The following ZC2HC1B variants were observed in gnomAD, a reference collection of about 807,000 sequenced individuals.
The protein encoded by ZC2HC1B is zinc finger C2HC domain-containing protein 1B.
In ZC2HC1B, 36 loss-of-function variants were observed where a neutral mutation model predicts 31.0. The ratio of observed to expected loss-of-function variants is 1.16; its 90% CI spans 0.89 to 1.54. The LOEUF is 1.54. Ranked by LOEUF, ZC2HC1B falls within the 40% of genes most tolerant of loss-of-function variation. The pLI, the probability that ZC2HC1B is intolerant of heterozygous loss-of-function variation, is 0.00. For missense variants in ZC2HC1B, 260 were observed against 268.6 expected, an observed-to-expected ratio of 0.97 and a Z score of 0.22; for synonymous variants, 73 against 88.0, an observed-to-expected ratio of 0.83 and a Z score of 0.95.
At chr6:143,889,194 C>G (rs1777567703) in intron 4 of ZC2HC1B, among the ~76,000 whole-genome samples, 5 of 151,722 alleles carry the variant, frequency 3.3e-5, no homozygotes, top group Admixed American at 3.3e-4. Flanking sequence ...ATTGTAAACT[C>G]TAGAGTAACC....
Position 143,885,966 on chromosome 6 carries a change from T to C in ZC2HC1B, c.91-66T>C. On this transcript the variant is annotated intron_variant, in intron 2 of 7. Transcript: ENST00000237275. The surrounding 1 kb of genome is among the most constrained non-coding windows in gnomAD (Gnocchi z 4.2). ...GTCCCTGGAGTGGGGGCTGTCTAGG[T>C]ACACCTAGGCATTAAAAACTGATTG... is the stretch of plus-strand genomic sequence containing the variant. 6.9e-7 allele frequency: 1 copy of C among 1,439,220 alleles called. No individual in the cohort carries two copies. The highest frequency in any genetic ancestry group is 9.1e-7 in the Non-Finnish European group (1 of 1,095,916). The allele number at this position is 1,439,220 out of a possible 1,614,324, so 89.2% of individuals were successfully genotyped here. A position where few individuals can be genotyped will look rare whatever the true frequency, so the allele number is the denominator to read the frequency against.
In ZC2HC1B at chr6:143,933,437, C is replaced by T. The variant is rs972871571; in HGVS notation, c.599-4212C>T. Among the ~76,000 whole-genome samples, 11 of 151,928 alleles carry T rather than the reference C, an allele frequency of 7.2e-5. No individual in the cohort carries two copies. The highest frequency in any genetic ancestry group is 5.8e-4 in the East Asian group (3 of 5,170). On this transcript the variant is annotated intron_variant, in intron 6 of 7. Coordinates refer to ENST00000237275, the MANE Select transcript of ZC2HC1B (RefSeq NM_001013623.3). The surrounding 1 kb of genome is among the most constrained non-coding windows in gnomAD (Gnocchi z 6.4). ...TGTCTTTTGTGATTCACTATTGGAC[C>T]GGGTAGAGAAATACTATCAGGTGCA...
intron 1 of ZC2HC1B, among the ~76,000 whole-genome samples, chr6:143,878,927 C>CTGCATATTTTTTCCTTTCCAGAA (rs1777437429): frequency 6.6e-6 from 1 of 152,170 alleles, no homozygotes; most frequent in Non-Finnish European, 1.5e-5. Context: ...AATGCACAGA[C>CTGCATATTTTTTCCTTTCCAGAA]TGCATATTTT....
intron 6 of ZC2HC1B, among the ~76,000 whole-genome samples, chr6:143,935,990 A>C (rs148921551): frequency 6.6e-6 from 1 of 152,242 alleles, no homozygotes; most frequent in African/African-American, 2.4e-5. Flanking sequence ...CATATATTAT[A>C]AATCTAGTTG....
chr6:143,901,050 G>T (rs990415044), intron 5 of ZC2HC1B, among the ~76,000 whole-genome samples: 4 of 151,720 alleles, frequency 2.6e-5, no homozygotes, highest in Non-Finnish European at 4.4e-5. Flanking sequence ...TGTTGGCCAG[G>T]CTGGTCACAA....
Position 143,908,756 on chromosome 6 carries a change from A to T in ZC2HC1B, c.598+5604A>T, listed in dbSNP as rs1490551103. ...GTTTGACTTCCTCTCTTCCTGTTGG[A>T]ATCTTCTTTCTTTCTTTGTTTTGCC... On this transcript the variant is annotated intron_variant, in intron 6 of 7. Transcript: ENST00000237275. This position sits in a 1 kb window ranked among gnomAD's most constrained non-coding sequence, Gnocchi z 4.4. Among the ~76,000 whole-genome samples, 1 of 152,014 alleles carries T rather than the reference A, an allele frequency of 6.6e-6. No individual in the cohort carries two copies. Among genetic ancestry groups the T allele is most frequent in the Middle Eastern group, 3.2e-3 (1 of 316 alleles).
At position 143,884,236 on chromosome 6, in the gene ZC2HC1B, G is replaced by T. The variant is rs973194658; in HGVS notation, c.29-68G>T. ...TATCAAGCTATTGAGGTCACCTCCA[G>T]TCAGTCATTTCTTCTCAGCGAGGAA... On this transcript the variant is annotated intron_variant, in intron 1 of 7. Coordinates refer to ENST00000237275, the MANE Select transcript of ZC2HC1B (RefSeq NM_001013623.3). This position sits in a 1 kb window ranked among gnomAD's most constrained non-coding sequence, Gnocchi z 5.1. 7.0e-7 allele frequency: 1 copy of T among 1,421,664 alleles called. No homozygotes were observed. Among genetic ancestry groups the T allele is most frequent in the Non-Finnish European group, 9.6e-7 (1 of 1,044,522 alleles). 88.1% of individuals were successfully genotyped at this position (1,421,664 alleles called of 1,614,324 possible). A position where few individuals can be genotyped will look rare whatever the true frequency, so the allele number is the denominator to read the frequency against.
chr6:143,873,406 G>A (rs1758468482), intron 1 of ZC2HC1B, among the ~76,000 whole-genome samples: 2 of 152,166 alleles, frequency 1.3e-5, no homozygotes, highest in Admixed American at 1.3e-4. Context: ...GCTGTCAGTG[G>A]ATCTACCATT....
Position 143,923,667 on chromosome 6 carries a change from T to G in ZC2HC1B, c.599-13982T>G, listed in dbSNP as rs890395479. 6.6e-6 allele frequency among the ~76,000 whole-genome samples: 1 copy of G among 152,118 alleles called. No individual in the cohort carries two copies. The highest frequency in any genetic ancestry group is 2.4e-5 in the African/African-American group (1 of 41,440). ...GGATCTAGTTTCATTTTTCTGTACT[T>G]GGATATCCAGTTTTCCCTGTACCAT... On this transcript the variant is annotated intron_variant, in intron 6 of 7. Coordinates refer to ENST00000237275, the MANE Select transcript of ZC2HC1B (RefSeq NM_001013623.3). This position sits in a 1 kb window ranked among gnomAD's most constrained non-coding sequence, Gnocchi z 4.8.
intron 6 of ZC2HC1B, among the ~76,000 whole-genome samples, chr6:143,926,988 C>A (rs376368609): frequency 7.9e-6 from 1 of 126,978 alleles, no homozygotes; most frequent in African/African-American, 3.3e-5. Context: ...TTAGTAGAGA[C>A]GGGGTTTCAC....
intron 5 of ZC2HC1B, among the ~76,000 whole-genome samples, chr6:143,901,250 CTT>C (rs760366226): frequency 1.1e-5 from 1 of 90,494 alleles, no homozygotes; most frequent in Admixed American, 1.1e-4. Flanking sequence ...TTCTTTCTTC[CTT>C]TTTTTTTTTT....
chr6:143,908,002 C>A lies in ZC2HC1B; in HGVS notation c.598+4850C>A, dbSNP rs1582967252. Reference sequence around the variant, plus strand: ...GTTTCAATTCTCTGCATATGGCTGGCCAGTTATCCCAGCACCATTTATTAA... The same window carrying A: ...GTTTCAATTCTCTGCATATGGCTGGACAGTTATCCCAGCACCATTTATTAA... On this transcript the variant is annotated intron_variant, in intron 6 of 7. Transcript: ENST00000237275. This position sits in a 1 kb window ranked among gnomAD's most constrained non-coding sequence, Gnocchi z 4.4. Among the ~76,000 whole-genome samples the A allele has an allele frequency of 6.6e-6, 1 of 152,150 alleles. No homozygotes were observed. Among genetic ancestry groups the A allele is most frequent in the Admixed American group, 6.6e-5 (1 of 15,264 alleles).
chr6:143,905,820 A>T lies in ZC2HC1B; in HGVS notation c.598+2668A>T, dbSNP rs1777787327. On this transcript the variant is annotated intron_variant, in intron 6 of 7. Coordinates refer to ENST00000237275, the MANE Select transcript of ZC2HC1B (RefSeq NM_001013623.3). This position sits in a 1 kb window ranked among gnomAD's most constrained non-coding sequence, Gnocchi z 4.2. ...TTGCATCAATTGAGATGATGATGTAATTTTTGTCCTTTATTCTGTAAATGT... is the reference window on the plus strand; with the variant it reads ...TTGCATCAATTGAGATGATGATGTATTTTTTGTCCTTTATTCTGTAAATGT... Among the ~76,000 whole-genome samples, 1 of 151,874 alleles carries T rather than the reference A, an allele frequency of 6.6e-6. No individual in the cohort carries two copies. Among genetic ancestry groups the T allele is most frequent in the Admixed American group, 6.6e-5 (1 of 15,240 alleles).
At position 143,872,565 on chromosome 6, in the gene ZC2HC1B, A is replaced by G. The variant is rs560139651; in HGVS notation, c.28+7998A>G. ...ATTTTTTAAATTTATGTATTAGTCTATTTTCATGCTGCTGATAAAGACATA... is the reference window on the plus strand; with the variant it reads ...ATTTTTTAAATTTATGTATTAGTCTGTTTTCATGCTGCTGATAAAGACATA... On this transcript the variant is annotated intron_variant, in intron 1 of 7. Coordinates refer to ENST00000237275, the MANE Select transcript of ZC2HC1B (RefSeq NM_001013623.3). This position sits in a 1 kb window ranked among gnomAD's most constrained non-coding sequence, Gnocchi z 5.5. Among the ~76,000 whole-genome samples, 2 of 152,204 alleles carry G rather than the reference A, an allele frequency of 1.3e-5. No homozygotes were observed. Among genetic ancestry groups the G allele is most frequent in the African/African-American group, 4.8e-5 (2 of 41,520 alleles).
At chr6:143,877,626 T>A (rs549830574) in intron 1 of ZC2HC1B, among the ~76,000 whole-genome samples, 1 of 150,428 alleles carries the variant, frequency 6.6e-6, no homozygotes, top group Admixed American at 6.6e-5. Flanking sequence ...CTTTAATTTT[T>A]TTTTTGTCTG....
rs1444207489 is a variant in ZC2HC1B, at chr6:143,884,445, A to G, written c.90+80A>G. 7.4e-7 allele frequency: 1 copy of G among 1,350,592 alleles called. No homozygotes were observed. Among genetic ancestry groups the G allele is most frequent in the Non-Finnish European group, 1.0e-6 (1 of 986,642 alleles). 83.7% of individuals were successfully genotyped at this position (1,350,592 alleles called of 1,614,324 possible). A position where few individuals can be genotyped will look rare whatever the true frequency, so the allele number is the denominator to read the frequency against. Reference sequence around the variant, plus strand: ...AGTCAGTGAGGAGGCGGCAGTGCAAAGATTAAAGACAGATGTGGAGGGGAA... The same window carrying G: ...AGTCAGTGAGGAGGCGGCAGTGCAAGGATTAAAGACAGATGTGGAGGGGAA... On this transcript the variant is annotated intron_variant, in intron 2 of 7. Coordinates refer to ENST00000237275, the MANE Select transcript of ZC2HC1B (RefSeq NM_001013623.3). The surrounding 1 kb of genome is among the most constrained non-coding windows in gnomAD (Gnocchi z 5.1).
rs1473659559 is a variant in ZC2HC1B at position 143,899,443 on chromosome 6, A to G, written c.489+752A>G. Among the ~76,000 whole-genome samples, 1 of 152,190 alleles carries G rather than the reference A, an allele frequency of 6.6e-6. No individual in the cohort carries two copies. The highest frequency in any genetic ancestry group is 1.5e-5 in the Non-Finnish European group (1 of 68,024). On this transcript the variant is annotated intron_variant, in intron 5 of 7. Coordinates refer to ENST00000237275, the MANE Select transcript of ZC2HC1B (RefSeq NM_001013623.3). This position sits in a 1 kb window ranked among gnomAD's most constrained non-coding sequence, Gnocchi z 5.0. ...CAGGCTGGAGTGCAATGGTGTAATC[A>G]TGGCTCATTGCAGCTTTGACCTCCC...
chr6:143,887,004 G>T lies in ZC2HC1B; in HGVS notation c.349+183G>T, dbSNP rs376321949. On this transcript the variant is annotated intron_variant, in intron 4 of 7. Transcript: ENST00000237275. This position sits in a 1 kb window ranked among gnomAD's most constrained non-coding sequence, Gnocchi z 5.1. Reference sequence around the variant, plus strand: ...AGATTCTGTGTTTCCTTCTAACTCTGTCTCAACGTGGGAACACCACTGTAG... The same window carrying T: ...AGATTCTGTGTTTCCTTCTAACTCTTTCTCAACGTGGGAACACCACTGTAG... 7.2e-5 allele frequency among the ~76,000 whole-genome samples: 11 copies of T among 152,100 alleles called. No homozygotes were observed. The South Asian group carries it at 1.9e-3, about 26-fold the overall frequency.
Position 143,903,939 on chromosome 6 carries a change from T to C in ZC2HC1B, c.598+787T>C, listed in dbSNP as rs1020791968. Among the ~76,000 whole-genome samples, 1 of 152,242 alleles carries C rather than the reference T, an allele frequency of 6.6e-6. No individual in the cohort carries two copies. Among genetic ancestry groups the C allele is most frequent in the African/African-American group, 2.4e-5 (1 of 41,468 alleles). The stretch of plus-strand genomic sequence containing the variant: ...TTTATTTTTAAATGTTCTCCATCTG[T>C]AGTTGTTAAATCTGCAGATGTGGAA... On this transcript the variant is annotated intron_variant, in intron 6 of 7. Coordinates refer to ENST00000237275, the MANE Select transcript of ZC2HC1B (RefSeq NM_001013623.3). The surrounding 1 kb of genome is among the most constrained non-coding windows in gnomAD (Gnocchi z 4.3).
Sources: gnomAD v4.1 joint callset for allele counts (sites outside exome capture counted in the v4.1 genomes callset) on GRCh38, gnomAD v4.1.1 for gene constraint, Gnocchi (gnomAD v3.1) non-coding constraint, MANE v1.5 for transcripts, NCBI Gene and HGNC (gene_info 2026-07-23, HGNC 2026-07-21) for gene names.